Variants in SLC71A1 observed in about 807,000 individuals in gnomAD.
SLC71A1 encodes the protein solute carrier family 71 member 1, also known as hippocampus abundant gene transcript 1.
At chr1:100,057,934 A>G in the SLC71A1 span, 1 of 152,240 alleles carries the variant, frequency 6.6e-6, no homozygotes, top group African/African-American at 2.4e-5. Flanking sequence ...GTTGCCTCAT[A>G]TGTAAAGTGA....
chr1:100,049,278 T>C, the SLC71A1 span, among the ~76,000 whole-genome samples: 2 of 152,128 alleles, frequency 1.3e-5, no homozygotes, highest in Non-Finnish European at 2.9e-5. Flanking sequence ...TTTTGAGCCA[T>C]GTTGATATCG....
the SLC71A1 span, among the ~76,000 whole-genome samples, chr1:100,056,151 C>G: frequency 6.6e-6 from 1 of 152,162 alleles, no homozygotes; most frequent in Non-Finnish European, 1.5e-5. Context: ...TTTGTGCCCA[C>G]TAACCATCCT....
the SLC71A1 span, among the ~76,000 whole-genome samples, chr1:100,052,581 G>C: frequency 4.5e-4 from 68 of 151,234 alleles, no homozygotes; most frequent in Non-Finnish European, 8.7e-4. Context: ...ACAGGCACAT[G>C]CCACCATGCC....
chr1:100,076,083 T>A, the SLC71A1 span, among the ~76,000 whole-genome samples: 1 of 152,196 alleles, frequency 6.6e-6, no homozygotes, highest in African/African-American at 2.4e-5. Flanking sequence ...TGGAACTCAG[T>A]CTTATACTCA....
At chr1:100,080,603 C>T in the SLC71A1 span, 10 of 1,613,888 alleles carry the variant, frequency 6.2e-6, no homozygotes, top group African/African-American at 6.7e-5. Context: ...TAAAGAACTG[C>T]CAATAACAGG....
chr1:100,074,450 G>A, the SLC71A1 span, among the ~76,000 whole-genome samples: 7 of 151,906 alleles, frequency 4.6e-5, no homozygotes. Context: ...ATGGTGGCAC[G>A]TGCCTGTAAT....
chr1:100,082,331 C>T, the SLC71A1 span: 3 of 743,396 alleles, frequency 4.0e-6, no homozygotes, highest in Non-Finnish European at 6.6e-6. Flanking sequence ...AATGTATCTG[C>T]ATGAACTCCG....
the SLC71A1 span, chr1:100,059,836 C>T: frequency 6.5e-7 from 1 of 1,532,384 alleles, no homozygotes; most frequent in East Asian, 2.3e-5. Flanking sequence ...GGTTCATGCT[C>T]ATAGATGTGT....
the SLC71A1 span, chr1:100,038,188 G>A: frequency 2.0e-6 from 3 of 1,519,488 alleles, no homozygotes; most frequent in Non-Finnish European, 1.8e-6. Context: ...GGGGCCTGCC[G>A]CCCCGGGAGT....
At chr1:100,044,193 C>T in the SLC71A1 span, among the ~76,000 whole-genome samples, 741 of 152,280 alleles carry the variant, frequency 4.9e-3, 5 homozygotes, top group Non-Finnish European at 8.3e-3. Flanking sequence ...GTTCATTTGT[C>T]ACCACATCCA....
the SLC71A1 span, among the ~76,000 whole-genome samples, chr1:100,072,959 T>C: frequency 5.1e-4 from 77 of 152,248 alleles, no homozygotes; most frequent in African/African-American, 1.6e-3. Context: ...ATATGACACA[T>C]TGGCTGGGTA....
At chr1:100,060,836 G>A in the SLC71A1 span, among the ~76,000 whole-genome samples, 1 of 151,974 alleles carries the variant, frequency 6.6e-6, no homozygotes, top group Non-Finnish European at 1.5e-5. Flanking sequence ...CAATTTGGTT[G>A]TAGATTTATA....
the SLC71A1 span, among the ~76,000 whole-genome samples, chr1:100,043,727 A>G: frequency 6.6e-6 from 1 of 152,120 alleles, no homozygotes. Flanking sequence ...CTTCCCCCCC[A>G]TCCTCAAAGT....
At chr1:100,075,095 T>C in the SLC71A1 span, among the ~76,000 whole-genome samples, 1 of 152,202 alleles carries the variant, frequency 6.6e-6, no homozygotes, top group Non-Finnish European at 1.5e-5. Flanking sequence ...CCGCATTTTA[T>C]AAGTACTTTC....
At chr1:100,046,042 T>C in the SLC71A1 span, among the ~76,000 whole-genome samples, 4 of 152,102 alleles carry the variant, frequency 2.6e-5, no homozygotes, top group Non-Finnish European at 4.4e-5. Flanking sequence ...AATGTATACT[T>C]CGGTGCCGTT....
At chr1:100,060,032 C>A in the SLC71A1 span, 1 of 1,558,442 alleles carries the variant, frequency 6.4e-7, no homozygotes, top group Non-Finnish European at 8.7e-7. Context: ...ATTATAGCAA[C>A]TAAATATCAC....
the SLC71A1 span, chr1:100,049,765 G>T: frequency 5.9e-6 from 3 of 509,912 alleles, no homozygotes; most frequent in Non-Finnish European, 6.9e-6. Context: ...GAAGACAGAG[G>T]CAGTGAGTAC....
chr1:100,081,950 C>CTTATGAGTAAAAGTATT, the SLC71A1 span: 1 of 1,394,700 alleles, frequency 7.2e-7, no homozygotes, highest in South Asian at 1.2e-5. Context: ...GTAGTTTCTC[C>CTTATGAGTAAAAGTATT]TTATGAGTAA....
At chr1:100,077,286 A>C in the SLC71A1 span, 1 of 1,301,640 alleles carries the variant, frequency 7.7e-7, no homozygotes, top group Non-Finnish European at 1.1e-6. Flanking sequence ...TGGTAAGTAT[A>C]AATATTTTAA....
Sources: allele counts gnomAD v4.1 joint callset (sites outside exome capture counted in the v4.1 genomes callset), GRCh38; gene constraint gnomAD v4.1.1; transcripts MANE v1.5; gene names NCBI Gene and HGNC (gene_info 2026-07-23, HGNC 2026-07-21).